FAT3: variants seen among roughly 807,000 people sequenced by gnomAD.
The protein encoded by FAT3 is protocadherin Fat 3.
In FAT3, 95 loss-of-function variants were observed where a neutral mutation model predicts 310.2. The observed-to-expected ratio is 0.31, with a 90% CI of 0.26 to 0.36. FAT3 has a LOEUF of 0.36. Ranked by LOEUF, FAT3 falls within the 10% of genes least tolerant of loss-of-function variation. The probability of loss-of-function intolerance (pLI) is 1.00; values close to 1 mark genes in which losing one functional copy is unlikely to be tolerated. For synonymous variants in FAT3, 2,314 were observed against 2,192.9 expected (o/e 1.06, Z -1.54); for missense variants, 5,408 against 5,715.6 (o/e 0.95, Z 1.74).
At chr11:92,697,505 C>T (rs1463944704) in intron 4 of FAT3, 60 bp downstream of exon 4, 1 of 1,486,528 alleles carries the variant, frequency 6.7e-7, no homozygotes, top group African/African-American at 1.4e-5. Flanking sequence ...CTTCTTTAAC[C>T]TTCAACATAA....
chr11:92,864,379 A>T (rs1949187201), intron 21 of FAT3, among the ~76,000 whole-genome samples: 1 of 152,244 alleles, frequency 6.6e-6, no homozygotes, highest in South Asian at 2.1e-4. Context: ...CCCCAAAGTC[A>T]CATTTGATGA....
intron 4 of FAT3, among the ~76,000 whole-genome samples, chr11:92,760,725 C>A (rs989563200): frequency 6.6e-6 from 1 of 152,026 alleles, no homozygotes; most frequent in Non-Finnish European, 1.5e-5. Flanking sequence ...TGAAAGAGTG[C>A]GTTATAAACT....
intron 5 of FAT3, among the ~76,000 whole-genome samples, chr11:92,763,375 A>G (rs1156290262): frequency 3.3e-5 from 5 of 152,166 alleles, no homozygotes; most frequent in African/African-American, 1.2e-4. Context: ...ATCTACTGTT[A>G]GAAGCTCTGA....
intron 2 of FAT3, among the ~76,000 whole-genome samples, chr11:92,367,468 A>G (rs1949057399): frequency 6.6e-6 from 1 of 152,014 alleles, no homozygotes; most frequent in African/African-American, 2.4e-5. Flanking sequence ...AATAAAATAA[A>G]TAAATAAGGT....
intron 3 of FAT3, among the ~76,000 whole-genome samples, chr11:92,692,004 T>C (rs1201857613): frequency 6.6e-6 from 1 of 152,202 alleles, no homozygotes; most frequent in Non-Finnish European, 1.5e-5. Context: ...ATATTATTAT[T>C]ATCCTATTTT....
At chr11:92,247,992 T>C (rs1187562715) in intron 1 of FAT3, among the ~76,000 whole-genome samples, 2 of 152,062 alleles carry the variant, frequency 1.3e-5, no homozygotes, top group Non-Finnish European at 2.9e-5. Context: ...AAAAAGCAAG[T>C]TCATGTAGAT....
At chr11:92,258,142 T>C (rs1367520116) in intron 1 of FAT3, among the ~76,000 whole-genome samples, 1 of 152,158 alleles carries the variant, frequency 6.6e-6, no homozygotes, top group Non-Finnish European at 1.5e-5. Flanking sequence ...CAGACTAGAC[T>C]TGGCTCTGTA....
At chr11:92,297,150 C>T (rs1231837750) in intron 1 of FAT3, among the ~76,000 whole-genome samples, 3 of 152,052 alleles carry the variant, frequency 2.0e-5, no homozygotes, top group African/African-American at 7.2e-5. Context: ...AGGTTTAGTT[C>T]ATCATTGGTA....
At chr11:92,664,692 TAATA>T (rs1469154796) in intron 3 of FAT3, among the ~76,000 whole-genome samples, 3 of 152,184 alleles carry the variant, frequency 2.0e-5, no homozygotes, top group Non-Finnish European at 2.9e-5. Flanking sequence ...ATGAACTAGG[TAATA>T]AATTTGATAC....
At chr11:92,273,018 T>G (rs927268432) in intron 1 of FAT3, among the ~76,000 whole-genome samples, 2 of 152,096 alleles carry the variant, frequency 1.3e-5, no homozygotes, top group Non-Finnish European at 2.9e-5. Context: ...AATAGCTCTT[T>G]CAACTAGGTT....
At chr11:92,425,048 T>A (rs1457428705) in intron 2 of FAT3, among the ~76,000 whole-genome samples, 2 of 152,208 alleles carry the variant, frequency 1.3e-5, no homozygotes, top group African/African-American at 4.8e-5. Flanking sequence ...GTTTATTGTC[T>A]GTACAATATT....
At chr11:92,230,677 C>G (rs1239886183) in intron 1 of FAT3, among the ~76,000 whole-genome samples, 1 of 152,152 alleles carries the variant, frequency 6.6e-6, no homozygotes, top group Non-Finnish European at 1.5e-5. Flanking sequence ...AGACAGTGGG[C>G]AAGATTCAAA....
intron 1 of FAT3, among the ~76,000 whole-genome samples, chr11:92,269,525 G>T (rs1207299529): frequency 2.6e-5 from 4 of 152,108 alleles, no homozygotes; most frequent in Non-Finnish European, 4.4e-5. Flanking sequence ...CTTTTCAACT[G>T]ATCTTTATGC....
intron 4 of FAT3, among the ~76,000 whole-genome samples, chr11:92,736,314 C>T (rs1945346478): frequency 6.6e-6 from 1 of 152,122 alleles, no homozygotes; most frequent in South Asian, 2.1e-4. Context: ...ACATTCCTGA[C>T]CCCAGCCTTC....
At chr11:92,404,595 A>G (rs1950096290) in intron 2 of FAT3, among the ~76,000 whole-genome samples, 1 of 151,712 alleles carries the variant, frequency 6.6e-6, no homozygotes, top group Non-Finnish European at 1.5e-5. Flanking sequence ...AAACTGACCT[A>G]CTGGCAATTT....
chr11:92,387,248 C>T (rs1384417324), intron 2 of FAT3, among the ~76,000 whole-genome samples: 4 of 152,066 alleles, frequency 2.6e-5, no homozygotes, highest in African/African-American at 9.7e-5. Flanking sequence ...AGTGAGAGAA[C>T]TGGGAGGTGC....
At chr11:92,598,230 A>G (rs60122881) in intron 3 of FAT3, among the ~76,000 whole-genome samples, 1 of 134,450 alleles carries the variant, frequency 7.4e-6, no homozygotes. Context: ...ATATATATAT[A>G]TTTTTTTTTT....
rs573347861 is a variant in FAT3 at position 92,254,628 on chromosome 11, A to G, written c.-18+29454A>G. The stretch of plus-strand genomic sequence containing the variant: ...AAAACTACTTATGGCATGTTACCCT[A>G]TGGAAATTTTACTCCTAGGAGTCAC... On this transcript the variant is annotated intron_variant, in intron 1 of 27. Coordinates refer to ENST00000525166, the MANE Select transcript of FAT3 (RefSeq NM_001367949.2). Among the ~76,000 whole-genome samples the G allele has an allele frequency of 1.3e-4, 20 of 152,194 alleles. No homozygotes were observed. In the South Asian group the frequency reaches 3.9e-3, roughly 30 times the overall value.
chr11:92,476,788 G>A (rs1382603839), intron 2 of FAT3, among the ~76,000 whole-genome samples: 2 of 152,150 alleles, frequency 1.3e-5, no homozygotes, highest in African/African-American at 4.8e-5. Flanking sequence ...CTGTATTAGA[G>A]GATCAAGTTG....
Sources: allele counts gnomAD v4.1 joint callset (sites outside exome capture counted in the v4.1 genomes callset), GRCh38; gene constraint gnomAD v4.1.1; transcripts MANE v1.5; gene names NCBI Gene and HGNC (gene_info 2026-07-23, HGNC 2026-07-21).